NKAIN3: variants seen among roughly 807,000 people sequenced by gnomAD.
The protein encoded by NKAIN3 is sodium/potassium transporting ATPase interacting 3, also known as sodium/potassium-transporting ATPase subunit beta-1-interacting protein 3.
A neutral mutation model predicts 30.2 loss-of-function variants in NKAIN3; 25 were observed. The ratio of observed to expected loss-of-function variants is 0.83; its 90% CI spans 0.60 to 1.16. The LOEUF is 1.16. Among genes scored for constraint, NKAIN3 ranks in the 50% most tolerant of loss-of-function variants. The pLI, the probability that NKAIN3 is intolerant of heterozygous loss-of-function variation, is 0.00. For missense variants in NKAIN3, 225 were observed against 254.1 expected (o/e 0.89, Z 0.78); for synonymous variants, 91 against 89.6 (o/e 1.02, Z -0.09).
intron 4 of NKAIN3, among the ~76,000 whole-genome samples, chr8:62,785,477 T>G (rs1817485871): frequency 6.6e-6 from 1 of 152,062 alleles, no homozygotes; most frequent in Non-Finnish European, 1.5e-5. Context: ...GGGTTTCTTT[T>G]TGCAATTATG....
intron 1 of NKAIN3, among the ~76,000 whole-genome samples, chr8:62,269,297 C>G (rs1812702211): frequency 6.6e-6 from 1 of 152,152 alleles, no homozygotes; most frequent in Non-Finnish European, 1.5e-5. Flanking sequence ...CCAGAGAGTG[C>G]CAAACAACCA....
At chr8:62,864,176 C>A in intron 4 of NKAIN3, 2 of 639,478 alleles carry the variant, frequency 3.1e-6, no homozygotes, top group South Asian at 1.9e-5. Flanking sequence ...CTTGCTCAAC[C>A]GACCGGGAGG....
intron 4 of NKAIN3, among the ~76,000 whole-genome samples, chr8:62,844,756 A>T (rs183241747): frequency 6.6e-6 from 1 of 152,262 alleles, no homozygotes; most frequent in Non-Finnish European, 1.5e-5. Flanking sequence ...AGAATGAGAA[A>T]GAATTCCTGG....
chr8:62,475,826 CAT>C (rs1806501524), intron 1 of NKAIN3, among the ~76,000 whole-genome samples: 1 of 152,152 alleles, frequency 6.6e-6, no homozygotes, highest in Non-Finnish European at 1.5e-5. Context: ...TATGAACAAA[CAT>C]GTTATCTAAC....
chr8:62,737,467 T>C (rs545812244), intron 3 of NKAIN3, among the ~76,000 whole-genome samples: 59 of 152,336 alleles, frequency 3.9e-4, no homozygotes, highest in Middle Eastern at 3.4e-3. Context: ...ACTTTTACTC[T>C]TGACTGGTCC....
intron 3 of NKAIN3, among the ~76,000 whole-genome samples, chr8:62,729,042 A>C (rs1815376774): frequency 7.8e-6 from 1 of 127,610 alleles, no homozygotes; most frequent in Non-Finnish European, 1.6e-5. Flanking sequence ...AAAAAAAACA[A>C]AAAAAAAAAA....
At chr8:62,963,016 C>T (rs1485223339) in intron 6 of NKAIN3, among the ~76,000 whole-genome samples, 1 of 152,022 alleles carries the variant, frequency 6.6e-6, no homozygotes, top group Non-Finnish European at 1.5e-5. Flanking sequence ...CTCAGCCTCC[C>T]TAGTAGCTGG....
chr8:62,518,316 C>T (rs1045482712), intron 1 of NKAIN3, among the ~76,000 whole-genome samples: 12 of 152,086 alleles, frequency 7.9e-5, no homozygotes, highest in African/African-American at 1.2e-4. Flanking sequence ...GCTAAGATTG[C>T]GCCACTGCAC....
At chr8:62,290,864 G>T (rs12829840) in intron 1 of NKAIN3, among the ~76,000 whole-genome samples, 1 of 152,082 alleles carries the variant, frequency 6.6e-6, no homozygotes, top group African/African-American at 2.4e-5. Context: ...AATCCATCTG[G>T]TCCTGGACTT....
In NKAIN3 at chr8:62,383,426, CT is replaced by C. The variant is rs1368898010; in HGVS notation, c.54+134300del. ...TTCCTGCATTAGATCCTGGTGCTCA[CT>C]GTTATTCCCTACTAATAAATGCTCT... On this transcript the variant is annotated intron_variant, in intron 1 of 6. Transcript: ENST00000623646. 1.3e-4 allele frequency: 59 copies of C among 448,400 alleles called. No homozygotes were observed. The East Asian group carries it at 3.3e-3, about 25-fold the overall frequency. 27.8% of individuals were successfully genotyped at this position (448,400 alleles called of 1,614,324 possible).
At chr8:62,498,610 G>T (rs1807316201) in intron 1 of NKAIN3, among the ~76,000 whole-genome samples, 1 of 151,898 alleles carries the variant, frequency 6.6e-6, no homozygotes, top group African/African-American at 2.4e-5. Context: ...GGAACATTCT[G>T]CCTTTTTAGG....
intron 1 of NKAIN3, among the ~76,000 whole-genome samples, chr8:62,494,799 A>T (rs780357233): frequency 9.2e-5 from 14 of 152,036 alleles, no homozygotes; most frequent in Non-Finnish European, 1.8e-4. Flanking sequence ...GTAAGCCTAG[A>T]AGTGTTCATA....
intron 4 of NKAIN3, among the ~76,000 whole-genome samples, chr8:62,907,612 C>A (rs984370451): frequency 6.6e-6 from 1 of 152,156 alleles, no homozygotes. Context: ...AGACTTGGTG[C>A]CCTGCATCCC....
At chr8:62,562,824 A>G (rs1809630051) in intron 1 of NKAIN3, among the ~76,000 whole-genome samples, 1 of 152,118 alleles carries the variant, frequency 6.6e-6, no homozygotes, top group Non-Finnish European at 1.5e-5. Flanking sequence ...CTTGCTGAAA[A>G]TGTGTACTTT....
chr8:62,661,500 G>A (rs1056122741), intron 3 of NKAIN3, among the ~76,000 whole-genome samples: 3 of 152,164 alleles, frequency 2.0e-5, no homozygotes, highest in Non-Finnish European at 4.4e-5. Flanking sequence ...AGAAGGTGGG[G>A]GAGATTTAAA....
chr8:62,957,146 T>C lies in NKAIN3; in HGVS notation c.603+3174T>C, dbSNP rs765322566. ...ACCGATATTTATAGCAGCCTTTTTT[T>C]TTTTTAAGACGGAGTCTTGCTCTTT... On this transcript the variant is annotated intron_variant, in intron 6 of 6. Transcript: ENST00000623646. Among the ~76,000 whole-genome samples, 724 of 152,336 alleles carry C rather than the reference T, an allele frequency of 4.8e-3. 9 individuals carry two copies. The highest frequency in any genetic ancestry group is 0.025 in the Admixed American group (377 of 15,306).
At chr8:62,622,242 T>C (rs1189362987) in intron 3 of NKAIN3, among the ~76,000 whole-genome samples, 1 of 152,086 alleles carries the variant, frequency 6.6e-6, no homozygotes, top group Admixed American at 6.6e-5. Context: ...GAAACTGCTA[T>C]GAACATTTAT....
chr8:62,657,699 G>A (rs925266167), intron 3 of NKAIN3, among the ~76,000 whole-genome samples: 4 of 152,124 alleles, frequency 2.6e-5, no homozygotes, highest in South Asian at 2.1e-4. Flanking sequence ...TTGCATGATC[G>A]ATGGTGCCAA....
chr8:62,989,009 T>C (rs913506482), downstream of NKAIN3, among the ~76,000 whole-genome samples: 1 of 152,228 alleles, frequency 6.6e-6, no homozygotes, highest in Non-Finnish European at 1.5e-5. Flanking sequence ...CCAGTCTCTT[T>C]ACTGGAGTAA....
Sources: allele counts gnomAD v4.1 joint callset (sites outside exome capture counted in the v4.1 genomes callset), GRCh38; gene constraint gnomAD v4.1.1; transcripts MANE v1.5; gene names NCBI Gene and HGNC (gene_info 2026-07-23, HGNC 2026-07-21).